Variants in VPS41 observed in about 807,000 individuals in gnomAD.
VPS41 encodes vacuolar protein sorting-associated protein 41 homolog.
VPS41 carries 85 observed loss-of-function variants against 130.9 expected under a neutral mutation model. That is an observed-to-expected ratio of 0.65 (90% CI 0.55 to 0.78). The LOEUF (loss-of-function observed/expected upper bound fraction) is 0.78, where lower values mean the gene tolerates loss of function less well. Among genes scored for constraint, VPS41 ranks in the 30% least tolerant of loss-of-function variants. VPS41 has a pLI of 0.00. For missense variants in VPS41, 874 were observed against 1,018.7 expected (o/e 0.86, Z 1.93); for synonymous variants, 335 against 332.9 (o/e 1.01, Z -0.07).
At chr7:38,745,934 C>T (rs1432823702) in intron 22 of VPS41, 1 of 252,292 alleles carries the variant, frequency 4.0e-6, no homozygotes, top group Admixed American at 5.4e-5. Context: ...CTTCAGGTTT[C>T]CTTACAGCAC....
At chr7:38,817,102 C>T (rs931175708) in intron 7 of VPS41, among the ~76,000 whole-genome samples, 4 of 150,992 alleles carry the variant, frequency 2.6e-5, no homozygotes, top group Non-Finnish European at 5.9e-5. Context: ...AACATGTCAG[C>T]GAAGAGTAGC....
intron 1 of VPS41, among the ~76,000 whole-genome samples, chr7:38,898,972 G>A (rs1787081781): frequency 1.3e-5 from 2 of 151,938 alleles, no homozygotes; most frequent in South Asian, 2.1e-4. Flanking sequence ...ATGGGGCAAG[G>A]ACATTTTAGA....
At position 38,724,939 on chromosome 7, in the gene VPS41, G is replaced by C. The variant is rs955477742; in HGVS notation, c.*1307C>G. ...ATCAGAAGCCCTGCTCTGAAGTTAG[G>C]CAGTCACCTCTGTGACCTCAACAAC... On this transcript the variant is annotated 3_prime_UTR_variant, in exon 29 of 29. Coordinates refer to ENST00000310301, the MANE Select transcript of VPS41 (RefSeq NM_014396.4). 2 of 152,158 alleles carry C rather than the reference G, an allele frequency of 1.3e-5. No individual in the cohort carries two copies. The highest frequency in any genetic ancestry group is 6.5e-5 in the Admixed American group (1 of 15,272). The allele number at this position is 152,158 out of a possible 1,614,324, so 9.4% of individuals were successfully genotyped here.
At chr7:38,817,693 C>T (rs570815333) in intron 7 of VPS41, 124 bp downstream of exon 7, 1 of 839,570 alleles carries the variant, frequency 1.2e-6, no homozygotes, top group South Asian at 1.4e-5. Context: ...GATTTCATTA[C>T]ATTTGTCTTT....
intron 25 of VPS41, among the ~76,000 whole-genome samples, chr7:38,741,710 G>GT (rs1157042393): frequency 2.7e-4 from 41 of 152,240 alleles, no homozygotes; most frequent in Admixed American, 2.7e-3. Flanking sequence ...CCATACAAAT[G>GT]TAAGAATGTC....
At chr7:38,861,590 G>A (rs1217854242) in intron 4 of VPS41, among the ~76,000 whole-genome samples, 1 of 152,114 alleles carries the variant, frequency 6.6e-6, no homozygotes, top group Non-Finnish European at 1.5e-5. Flanking sequence ...GCAAAACAAG[G>A]CATCCCTTTT....
chr7:38,771,586 C>T (rs1172352832), intron 13 of VPS41, among the ~76,000 whole-genome samples: 1 of 152,148 alleles, frequency 6.6e-6, no homozygotes, highest in Non-Finnish European at 1.5e-5. Context: ...ACAACAAAGT[C>T]TCCTAGTCTC....
chr7:38,872,970 A>G (rs1454834704), intron 2 of VPS41, among the ~76,000 whole-genome samples: 1 of 152,190 alleles, frequency 6.6e-6, no homozygotes, highest in Non-Finnish European at 1.5e-5. Flanking sequence ...TCAAATGTGC[A>G]TCCAATGTGA....
chr7:38,789,741 T>A (rs1784502645), intron 10 of VPS41, 60 bp downstream of exon 10: 1 of 1,575,296 alleles, frequency 6.3e-7, no homozygotes. Flanking sequence ...GTGAGATTAA[T>A]GAAGACGAAA....
intron 5 of VPS41, 93 bp from the exon 6 acceptor site, chr7:38,821,358 G>A (rs1415427065): frequency 1.2e-6 from 1 of 864,876 alleles, no homozygotes; most frequent in African/African-American, 1.7e-5. Flanking sequence ...AAGAAAAGTA[G>A]AATATTTAAT....
At chr7:38,729,332 C>T (rs975629955) in intron 25 of VPS41, among the ~76,000 whole-genome samples, 1 of 152,170 alleles carries the variant, frequency 6.6e-6, no homozygotes, top group Non-Finnish European at 1.5e-5. Flanking sequence ...CAATCTCTGT[C>T]TTAAATCCCC....
At chr7:38,763,363 C>T in intron 17 of VPS41, 92 bp downstream of exon 17, 1 of 810,748 alleles carries the variant, frequency 1.2e-6, no homozygotes, top group Non-Finnish European at 1.8e-6. Flanking sequence ...AATCTGTTTC[C>T]TTTACAGGCA....
intron 4 of VPS41, among the ~76,000 whole-genome samples, chr7:38,845,762 C>A (rs534952912): frequency 1.1e-4 from 17 of 152,328 alleles, no homozygotes; most frequent in Non-Finnish European, 1.8e-4. Flanking sequence ...AATTGCCAAG[C>A]ACCTGCTATA....
chr7:38,806,499 T>A lies in VPS41; in HGVS notation c.451-9635A>T, dbSNP rs1442500493. Among the ~76,000 whole-genome samples, 3 of 152,312 alleles carry A rather than the reference T, an allele frequency of 2.0e-5. No homozygotes were observed. In the East Asian group the frequency reaches 5.8e-4, roughly 29 times the overall value. ...GTAGGGAATTTCATATGATGTACAGTGATAAGTTAAAACAAGATCTAAAAT... is the reference window on the plus strand; with the variant it reads ...GTAGGGAATTTCATATGATGTACAGAGATAAGTTAAAACAAGATCTAAAAT... On this transcript the variant is annotated intron_variant, in intron 7 of 28. Transcript: ENST00000310301.
intron 4 of VPS41, among the ~76,000 whole-genome samples, chr7:38,861,907 C>T (rs969535722): frequency 6.6e-6 from 1 of 152,100 alleles, no homozygotes; most frequent in Non-Finnish European, 1.5e-5. Flanking sequence ...ATATAATCCC[C>T]TAACAGTCCA....
intron 19 of VPS41, 55 bp downstream of exon 19, chr7:38,756,783 T>C: frequency 1.6e-6 from 2 of 1,288,470 alleles, no homozygotes; most frequent in South Asian, 1.4e-5. Flanking sequence ...ATCTAAGTAT[T>C]AAATATTTGG....
Position 38,830,239 on chromosome 7 carries a change from A to T in VPS41, c.321+15T>A. On this transcript the variant is annotated intron_variant, in intron 5 of 28. Transcript: ENST00000310301. ...GCGCCACAGAACTCTCTGCATGACCACATCTTTGCCATACCTTGCCATCCT... is the reference window on the plus strand; with the variant it reads ...GCGCCACAGAACTCTCTGCATGACCTCATCTTTGCCATACCTTGCCATCCT... 1 of 1,589,136 alleles carries T rather than the reference A, an allele frequency of 6.3e-7. No individual in the cohort carries two copies. The highest frequency in any genetic ancestry group is 8.6e-7 in the Non-Finnish European group (1 of 1,157,084).
chr7:38,754,756 G>C lies in VPS41; in HGVS notation c.1738-4C>G, dbSNP rs751216506. 1.2e-6 allele frequency: 2 copies of C among 1,612,508 alleles called. No homozygotes were observed. Among genetic ancestry groups the C allele is most frequent in the Non-Finnish European group, 1.7e-6 (2 of 1,179,068 alleles). ...ATTCTTCCACTACCTTTTTAATCTA[G>C]ATAAAAAAGAAAAGTTTCAAGGTGG... On this transcript the variant is annotated splice_polypyrimidine_tract_variant and splice_region_variant and intron_variant, in intron 20 of 28. Coordinates refer to ENST00000310301, the MANE Select transcript of VPS41 (RefSeq NM_014396.4).
chr7:38,881,331 T>A (rs113274952), intron 2 of VPS41, among the ~76,000 whole-genome samples: 4 of 152,280 alleles, frequency 2.6e-5, no homozygotes, highest in Middle Eastern at 3.4e-3. Context: ...CATCACAGCC[T>A]TTTCTCCTGC....
Sources: gnomAD v4.1 joint callset for allele counts (sites outside exome capture counted in the v4.1 genomes callset) on GRCh38, gnomAD v4.1.1 for gene constraint, MANE v1.5 for transcripts, NCBI Gene and HGNC (gene_info 2026-07-23, HGNC 2026-07-21) for gene names.